ASAP1: variants seen among roughly 807,000 people sequenced by gnomAD.
The protein encoded by ASAP1 is arf-GAP with SH3 domain, ANK repeat and PH domain-containing protein 1.
A neutral mutation model predicts 145.2 loss-of-function variants in ASAP1; 43 were observed. The ratio of observed to expected loss-of-function variants is 0.30; its 90% confidence interval spans 0.23 to 0.38. The LOEUF (loss-of-function observed/expected upper bound fraction) is 0.38, where lower values mean the gene tolerates loss of function less well. Ranked by LOEUF, ASAP1 falls within the 10% of genes least tolerant of loss-of-function variation. The probability of loss-of-function intolerance (pLI) is 1.00; values close to 1 mark genes in which losing one functional copy is unlikely to be tolerated. For missense variants in ASAP1, 1,018 were observed against 1,355.3 expected (o/e 0.75, Z 3.91); for synonymous variants, 546 against 515.5 (o/e 1.06, Z -0.80).
intron 7 of ASAP1, among the ~76,000 whole-genome samples, chr8:130,185,966 A>G (rs1183262757): frequency 6.6e-6 from 1 of 152,162 alleles, no homozygotes; most frequent in African/African-American, 2.4e-5. Context: ...GACAAAGCAC[A>G]TATTACATCA....
Position 130,169,103 on chromosome 8 carries a change from T to TA in ASAP1, c.747-37dup, listed in dbSNP as rs397718112. On this transcript the variant is annotated intron_variant, in intron 9 of 29. Coordinates refer to ENST00000518721, the MANE Select transcript of ASAP1 (RefSeq NM_018482.4). ...AAAAATCAGAGATTTACCACCAGTA[T>TA]AAAAAAAAAAGAGTATTTGTTTCCT... is the stretch of plus-strand genomic sequence containing the variant. 7.6e-3 allele frequency: 7,890 copies of TA among 1,035,198 alleles called. 1 individual carries two copies. The highest frequency in any genetic ancestry group is 0.012 in the South Asian group (728 of 59,876). The allele number at this position is 1,035,198 out of a possible 1,614,324, so 64.1% of individuals were successfully genotyped here.
chr8:130,334,253 A>G (rs189989709), intron 3 of ASAP1, among the ~76,000 whole-genome samples: 23 of 152,216 alleles, frequency 1.5e-4, no homozygotes, highest in Non-Finnish European at 3.1e-4. Flanking sequence ...TTTGATTTTC[A>G]GGTAACAACA....
At chr8:130,206,637 G>A (rs958579284) in intron 5 of ASAP1, among the ~76,000 whole-genome samples, 22 of 152,084 alleles carry the variant, frequency 1.4e-4, no homozygotes, top group African/African-American at 4.8e-4. Flanking sequence ...AAAGGCCTCC[G>A]GAGAGAAGAA....
At chr8:130,288,933 T>C (rs537774354) in intron 3 of ASAP1, among the ~76,000 whole-genome samples, 2 of 152,344 alleles carry the variant, frequency 1.3e-5, no homozygotes, top group East Asian at 3.9e-4. Flanking sequence ...ATGCTTGTAA[T>C]CCCAGCACTT....
At chr8:130,155,025 G>A (rs897424936) in intron 12 of ASAP1, among the ~76,000 whole-genome samples, 18 of 152,110 alleles carry the variant, frequency 1.2e-4, no homozygotes, top group African/African-American at 4.3e-4. Context: ...ACATAGGTGA[G>A]GCATCCCTGT....
chr8:130,351,920 A>G (rs1826019261), intron 3 of ASAP1, among the ~76,000 whole-genome samples: 1 of 152,244 alleles, frequency 6.6e-6, no homozygotes, highest in Non-Finnish European at 1.5e-5. Flanking sequence ...TTTTAGAAAG[A>G]GCATGAGTTC....
chr8:130,350,895 C>A (rs1211640840), intron 3 of ASAP1, among the ~76,000 whole-genome samples: 1 of 152,180 alleles, frequency 6.6e-6, no homozygotes, highest in African/African-American at 2.4e-5. Flanking sequence ...GGGCTCTGGG[C>A]AGCTCATAGG....
chr8:130,064,849 A>G (rs752343864), intron 27 of ASAP1, among the ~76,000 whole-genome samples: 10 of 152,010 alleles, frequency 6.6e-5, no homozygotes, highest in Non-Finnish European at 1.2e-4. Context: ...AGTGGTTCAC[A>G]GAACTCAAAG....
In ASAP1 at chr8:130,118,534, A is replaced by G. The variant is rs774951018; in HGVS notation, c.1749T>C (p.Tyr583=). 6.2e-7 allele frequency: 1 copy of G among 1,614,100 alleles called. No individual in the cohort carries two copies. Among genetic ancestry groups the G allele is most frequent in the Admixed American group, 1.7e-5 (1 of 60,012 alleles). ...GTTCCATTAGCTCTACCCCTTCTGC[A>G]TAGACTTGAATTAGTGCAAGTAAAT... ...SRDLLALIQV[Y]AEGVELMEPL... Residue 583 remains tyrosine, a synonymous_variant, in exon 19 of 30, where the codon TAT becomes TAC. Coordinates refer to ENST00000518721, the MANE Select transcript of ASAP1 (RefSeq NM_018482.4).
chr8:130,079,823 T>C, intron 26 of ASAP1, 79 bp downstream of exon 26: 1 of 1,451,132 alleles, frequency 6.9e-7, no homozygotes, highest in East Asian at 2.3e-5. Flanking sequence ...GCTGGGAAAT[T>C]CATGAAAACT....
chr8:130,161,194 C>CT (rs561768951), intron 11 of ASAP1, among the ~76,000 whole-genome samples: 114 of 146,920 alleles, frequency 7.8e-4, no homozygotes, highest in Middle Eastern at 7.0e-3. Context: ...TGTAGCAGGA[C>CT]TTTTTTTTTT....
chr8:130,235,689 A>AC (rs1184168590), intron 4 of ASAP1, among the ~76,000 whole-genome samples: 1 of 152,208 alleles, frequency 6.6e-6, no homozygotes, highest in African/African-American at 2.4e-5. Flanking sequence ...AAATGAAGGC[A>AC]CCAGGGTGCA....
intron 1 of ASAP1, among the ~76,000 whole-genome samples, chr8:130,411,933 A>C (rs1331447607): frequency 6.6e-6 from 1 of 152,148 alleles, no homozygotes; most frequent in Non-Finnish European, 1.5e-5. Flanking sequence ...CCCTGTCCAA[A>C]GAAAAGGGAA....
At chr8:130,294,697 A>G (rs770382428) in intron 3 of ASAP1, among the ~76,000 whole-genome samples, 3 of 152,250 alleles carry the variant, frequency 2.0e-5, no homozygotes, top group Non-Finnish European at 4.4e-5. Flanking sequence ...AAGAGTCACA[A>G]GTCTTTCTCT....
chr8:130,278,297 G>A (rs933906153), intron 3 of ASAP1, among the ~76,000 whole-genome samples: 4 of 152,128 alleles, frequency 2.6e-5, no homozygotes, highest in African/African-American at 7.2e-5. Flanking sequence ...ACAGAAAGCT[G>A]TAGTCACATC....
At chr8:130,087,673 G>A (rs2097496610) in intron 25 of ASAP1, among the ~76,000 whole-genome samples, 1 of 152,156 alleles carries the variant, frequency 6.6e-6, no homozygotes, top group South Asian at 2.1e-4. Context: ...GTGTGAACAG[G>A]TGGCCTAAAA....
intron 3 of ASAP1, among the ~76,000 whole-genome samples, chr8:130,333,175 C>G (rs936956846): frequency 6.6e-6 from 1 of 152,218 alleles, no homozygotes; most frequent in Non-Finnish European, 1.5e-5. Flanking sequence ...TTCCTAAGCA[C>G]CCCCAACCCT....
chr8:130,126,592 A>G (rs2097575337), intron 16 of ASAP1, among the ~76,000 whole-genome samples: 1 of 152,160 alleles, frequency 6.6e-6, no homozygotes, highest in South Asian at 2.1e-4. Flanking sequence ...CCTTTTTTCT[A>G]CAACCTCCAA....
At chr8:130,243,700 C>T (rs1233638756) in intron 3 of ASAP1, among the ~76,000 whole-genome samples, 1 of 152,162 alleles carries the variant, frequency 6.6e-6, no homozygotes, top group Non-Finnish European at 1.5e-5. Flanking sequence ...AAACTCTCTT[C>T]GCCTAAATCT....
Sources: allele counts gnomAD v4.1 joint callset (sites outside exome capture counted in the v4.1 genomes callset), GRCh38; gene constraint gnomAD v4.1.1; transcripts MANE v1.5; gene names NCBI Gene and HGNC (gene_info 2026-07-23, HGNC 2026-07-21).